The following RNF150 variants were observed in gnomAD, a reference collection of about 807,000 sequenced individuals.
The protein encoded by RNF150 is ring finger protein 150.
In RNF150, 24 loss-of-function variants were observed where a neutral mutation model predicts 39.3. The ratio of observed to expected loss-of-function variants is 0.61; its 90% CI spans 0.44 to 0.86. The LOEUF is 0.86. Among genes scored for constraint, RNF150 ranks in the 40% least tolerant of loss-of-function variants. The probability of loss-of-function intolerance (pLI) is 0.00; values close to 1 mark genes in which losing one functional copy is unlikely to be tolerated. For missense variants in RNF150, 502 were observed against 587.8 expected (o/e 0.85, Z 1.51); for synonymous variants, 255 against 227.3 (o/e 1.12, Z -1.10).
intron 6 of RNF150, among the ~76,000 whole-genome samples, chr4:140,894,453 T>G (rs999412044): frequency 3.5e-4 from 54 of 152,234 alleles, no homozygotes; most frequent in African/African-American, 1.3e-3. Flanking sequence ...GAATTTTTCT[T>G]TCTTTTTAAA....
At chr4:141,201,077 T>C (rs531534851) in intron 1 of RNF150, among the ~76,000 whole-genome samples, 1 of 93,066 alleles carries the variant, frequency 1.1e-5, no homozygotes, top group Non-Finnish European at 2.2e-5. Flanking sequence ...ATACAATAGA[T>C]CAGATTATTA....
In RNF150 at chr4:140,863,369, T is replaced by C. The variant is rs1479259343; in HGVS notation, c.*4892A>G. 1 of 152,122 alleles carries C rather than the reference T, an allele frequency of 6.6e-6. No homozygotes were observed. The highest frequency in any genetic ancestry group is 1.5e-5 in the Non-Finnish European group (1 of 68,030). The allele number at this position is 152,122 out of a possible 1,614,324, so 9.4% of individuals were successfully genotyped here. On this transcript the variant is annotated 3_prime_UTR_variant, in exon 7 of 7. Transcript: ENST00000515673. ...ATGGGTTGCGATACAACTGGTGATG[T>C]GAGAAGTGAAAATGAAACTGACTCC...
chr4:140,988,988 C>T (rs1454247204), intron 1 of RNF150, among the ~76,000 whole-genome samples: 4 of 152,168 alleles, frequency 2.6e-5, no homozygotes, highest in African/African-American at 4.8e-5. Flanking sequence ...GAACATCACA[C>T]ACCGGGTAGT....
At position 140,972,600 on chromosome 4, in the gene RNF150, G is replaced by C. The variant is rs531102594; in HGVS notation, c.485-4727C>G. ...AGTGAAAAGGCTCCCCTGCAGCTGGGTGTGGTGTGTGATTAGTATTTGGTC... is the reference window on the plus strand; with the variant it reads ...AGTGAAAAGGCTCCCCTGCAGCTGGCTGTGGTGTGTGATTAGTATTTGGTC... On this transcript the variant is annotated intron_variant, in intron 1 of 6. Transcript: ENST00000515673. 8.5e-5 allele frequency among the ~76,000 whole-genome samples: 13 copies of C among 152,236 alleles called. No individual in the cohort carries two copies. In the East Asian group the frequency reaches 2.5e-3, roughly 29 times the overall value.
intron 1 of RNF150, among the ~76,000 whole-genome samples, chr4:141,091,742 T>C (rs1468785540): frequency 6.6e-6 from 1 of 151,962 alleles, no homozygotes; most frequent in African/African-American, 2.4e-5. Flanking sequence ...AGGAGGCAAA[T>C]ACATTCAATT....
At chr4:141,172,679 A>T (rs1179675467) in intron 1 of RNF150, among the ~76,000 whole-genome samples, 2 of 152,106 alleles carry the variant, frequency 1.3e-5, no homozygotes, top group Non-Finnish European at 2.9e-5. Flanking sequence ...GCCTTAAATA[A>T]CAACACTCAC....
intron 6 of RNF150, among the ~76,000 whole-genome samples, chr4:140,881,166 C>CTT (rs540364079): frequency 5.3e-4 from 73 of 138,662 alleles, no homozygotes; most frequent in African/African-American, 1.8e-3. Context: ...TTCCTTTGTA[C>CTT]TTTTTTTTTT....
intron 1 of RNF150, among the ~76,000 whole-genome samples, chr4:141,048,806 CAAG>C (rs764713851): frequency 6.6e-6 from 1 of 152,114 alleles, no homozygotes; most frequent in Admixed American, 6.6e-5. Context: ...TAATACATGA[CAAG>C]AAGAAGATAT....
intron 1 of RNF150, among the ~76,000 whole-genome samples, chr4:141,112,181 A>G (rs767912473): frequency 6.6e-6 from 1 of 152,176 alleles, no homozygotes; most frequent in African/African-American, 2.4e-5. Flanking sequence ...TCTTTATCCA[A>G]TTTGCCAGTC....
intron 1 of RNF150, among the ~76,000 whole-genome samples, chr4:141,088,702 C>CACAA (rs1332977487): frequency 6.6e-6 from 1 of 151,592 alleles, no homozygotes; most frequent in African/African-American, 2.4e-5. Flanking sequence ...CACACACACA[C>CACAA]ACACACTTGA....
intron 1 of RNF150, among the ~76,000 whole-genome samples, chr4:141,147,277 G>T (rs1388123414): frequency 6.6e-6 from 1 of 152,208 alleles, no homozygotes; most frequent in African/African-American, 2.4e-5. Flanking sequence ...GTCCAGTAAG[G>T]ATGTTCCTGC....
intron 1 of RNF150, among the ~76,000 whole-genome samples, chr4:141,074,856 T>A (rs916718488): frequency 6.6e-6 from 1 of 152,192 alleles, no homozygotes; most frequent in African/African-American, 2.4e-5. Flanking sequence ...ATTAGGTTTA[T>A]CCAGTTAACC....
intron 6 of RNF150, among the ~76,000 whole-genome samples, chr4:140,885,687 C>T (rs1273608528): frequency 4.0e-5 from 6 of 151,862 alleles, no homozygotes; most frequent in South Asian, 2.1e-4. Context: ...CTGCCCACCT[C>T]GGCCTCCCAG....
intron 1 of RNF150, among the ~76,000 whole-genome samples, chr4:141,106,876 T>C (rs1484959488): frequency 1.3e-5 from 2 of 152,118 alleles, no homozygotes; most frequent in Non-Finnish European, 2.9e-5. Context: ...CAATGTTCTT[T>C]TCCACCTACA....
At chr4:140,921,484 C>A (rs1247580654) in intron 5 of RNF150, among the ~76,000 whole-genome samples, 2 of 152,106 alleles carry the variant, frequency 1.3e-5, no homozygotes, top group South Asian at 2.1e-4. Flanking sequence ...TAATAGCCCA[C>A]CAACCAAAAA....
intron 1 of RNF150, among the ~76,000 whole-genome samples, chr4:141,022,941 C>A (rs1735553206): frequency 6.6e-6 from 1 of 152,086 alleles, no homozygotes; most frequent in African/African-American, 2.4e-5. Context: ...CTGCAGTGAG[C>A]TAAATTCTAT....
chr4:140,927,835 G>A (rs1427363078), intron 4 of RNF150, among the ~76,000 whole-genome samples: 2 of 151,688 alleles, frequency 1.3e-5, no homozygotes, highest in Non-Finnish European at 2.9e-5. Flanking sequence ...TTTTAGTAGA[G>A]ACGGGGTTTT....
At chr4:140,876,522 C>A (rs571437975) in intron 6 of RNF150, among the ~76,000 whole-genome samples, 1 of 152,278 alleles carries the variant, frequency 6.6e-6, no homozygotes, top group African/African-American at 2.4e-5. Context: ...GTCTCTGGAC[C>A]GCTTTCCTCA....
At chr4:140,981,630 G>A in intron 1 of RNF150, among the ~76,000 whole-genome samples, 1 of 152,150 alleles carries the variant, frequency 6.6e-6, no homozygotes, top group Non-Finnish European at 1.5e-5. Flanking sequence ...GGGTAACTAA[G>A]CAGCACAGTA....
Sources: gnomAD v4.1 joint callset for allele counts (sites outside exome capture counted in the v4.1 genomes callset) on GRCh38, gnomAD v4.1.1 for gene constraint, MANE v1.5 for transcripts, NCBI Gene and HGNC (gene_info 2026-07-23, HGNC 2026-07-21) for gene names.